The following ATP8B1 variants were observed in gnomAD, a reference collection of about 807,000 sequenced individuals.
ATP8B1 encodes the protein ATPase phospholipid transporting 8B1.
ATP8B1 carries 80 observed loss-of-function variants against 149.9 expected under a neutral mutation model. That is an observed-to-expected ratio of 0.53 (90% confidence interval 0.45 to 0.64). The LOEUF is 0.64. Among genes scored for constraint, ATP8B1 ranks in the 30% least tolerant of loss-of-function variants. The probability of loss-of-function intolerance (pLI) is 0.00; values close to 1 mark genes in which losing one functional copy is unlikely to be tolerated. For synonymous variants in ATP8B1, 536 were observed against 562.8 expected, an observed-to-expected ratio of 0.95 and a Z score of 0.67; for missense variants, 1,247 against 1,552.6, an observed-to-expected ratio of 0.80 and a Z score of 3.31.
At chr18:57,764,871 C>T (rs2080196481) in intron 1 of ATP8B1, among the ~76,000 whole-genome samples, 1 of 149,898 alleles carries the variant, frequency 6.7e-6, no homozygotes, top group Admixed American at 6.7e-5. Context: ...CTGTGGAAAA[C>T]AGCATAATGG....
chr18:57,658,403 A>C (rs1270337068), intron 22 of ATP8B1, among the ~76,000 whole-genome samples: 3 of 152,196 alleles, frequency 2.0e-5, no homozygotes, highest in Non-Finnish European at 4.4e-5. Context: ...AAGACCAAGA[A>C]GAGACAACAT....
intron 27 of ATP8B1, 27 bp from the exon 28 acceptor site, chr18:57,648,739 TGAA>T: frequency 6.5e-7 from 1 of 1,547,004 alleles, no homozygotes; most frequent in Non-Finnish European, 8.7e-7. Flanking sequence ...TGGGGAGGGA[TGAA>T]AATAAGATCC....
intron 1 of ATP8B1, chr18:57,801,908 G>A (rs1383495326): frequency 6.6e-6 from 1 of 152,248 alleles, no homozygotes; most frequent in Non-Finnish European, 1.5e-5. Context: ...CAAGGGGGTC[G>A]GGTAGGGTTG....
At chr18:57,716,991 G>A (rs1045244902) in intron 2 of ATP8B1, among the ~76,000 whole-genome samples, 5 of 152,020 alleles carry the variant, frequency 3.3e-5, no homozygotes, top group Admixed American at 2.0e-4. Flanking sequence ...ACCACAATGA[G>A]TAAAACTAGA....
chr18:57,713,140 T>C (rs1913764474), intron 2 of ATP8B1, among the ~76,000 whole-genome samples: 1 of 151,868 alleles, frequency 6.6e-6, no homozygotes, highest in Non-Finnish European at 1.5e-5. Flanking sequence ...GGGTGCTTTG[T>C]CTTGCTCTTG....
intron 1 of ATP8B1, among the ~76,000 whole-genome samples, chr18:57,791,682 T>C (rs1172962406): frequency 6.6e-6 from 1 of 152,174 alleles, no homozygotes; most frequent in African/African-American, 2.4e-5. Context: ...AACATCCTAA[T>C]CATATGGGTA....
intron 4 of ATP8B1, 29 bp downstream of exon 4, chr18:57,704,526 A>G: frequency 3.5e-6 from 5 of 1,411,704 alleles, no homozygotes; most frequent in Non-Finnish European, 5.0e-6. Context: ...CTATAATTCA[A>G]ACAGATTTAA....
chr18:57,792,669 T>G (rs549150518), intron 1 of ATP8B1, among the ~76,000 whole-genome samples: 4 of 152,276 alleles, frequency 2.6e-5, no homozygotes, highest in African/African-American at 9.6e-5. Context: ...TGACGTAGAT[T>G]GTGGCAACAG....
At chr18:57,740,289 C>T (rs148799044) in intron 1 of ATP8B1, among the ~76,000 whole-genome samples, 1 of 151,878 alleles carries the variant, frequency 6.6e-6, no homozygotes, top group African/African-American at 2.4e-5. Context: ...TTTTAAAGTT[C>T]ACAAGAAGAA....
At chr18:57,768,455 G>A (rs1599217660) in intron 1 of ATP8B1, among the ~76,000 whole-genome samples, 1 of 136,382 alleles carries the variant, frequency 7.3e-6, no homozygotes, top group African/African-American at 2.8e-5. Flanking sequence ...AAGCTACTAA[G>A]AAGAATCCTA....
chr18:57,750,158 G>A (rs1021103589), intron 1 of ATP8B1, among the ~76,000 whole-genome samples: 3 of 152,142 alleles, frequency 2.0e-5, no homozygotes, highest in East Asian at 1.9e-4. Flanking sequence ...TACAAAAATC[G>A]CTTGAACCTG....
At chr18:57,688,158 A>T in intron 13 of ATP8B1, 141 bp downstream of exon 13, 1 of 926,402 alleles carries the variant, frequency 1.1e-6, no homozygotes, top group Non-Finnish European at 1.7e-6. Flanking sequence ...TCTGGTGCTT[A>T]GCTGGAGAAT....
At chr18:57,709,997 CTTT>C (rs60041581) in intron 2 of ATP8B1, among the ~76,000 whole-genome samples, 4 of 141,796 alleles carry the variant, frequency 2.8e-5, no homozygotes, top group Non-Finnish European at 6.2e-5. Context: ...CTTTTCTTTT[CTTT>C]TTTTTTTTTT....
intron 4 of ATP8B1, 146 bp from the exon 5 acceptor site, chr18:57,701,459 T>C: frequency 1.3e-6 from 1 of 764,692 alleles, no homozygotes; most frequent in Non-Finnish European, 2.3e-6. Flanking sequence ...TAGGAAAGGC[T>C]CTTCAAGCAT....
chr18:57,793,520 G>C (rs1011113000), intron 1 of ATP8B1, among the ~76,000 whole-genome samples: 1 of 152,028 alleles, frequency 6.6e-6, no homozygotes, highest in Non-Finnish European at 1.5e-5. Context: ...CATCTTCCAA[G>C]AAATCAAAGC....
rs147176152 is a variant in ATP8B1, at chr18:57,719,565, G to A, written c.181+12062C>T. Among the ~76,000 whole-genome samples the A allele has an allele frequency of 1.9e-3, 289 of 152,260 alleles. 9 individuals carry two copies. In the East Asian group the frequency reaches 0.045, roughly 24 times the overall value. On this transcript the variant is annotated intron_variant, in intron 2 of 27. Transcript: ENST00000648908. ...CGCTTTTCAGACCGGCTTGAAAAAC[G>A]GCGCACCTAGAGACTATATCCCACA... is the stretch of plus-strand genomic sequence containing the variant.
At chr18:57,714,546 C>G (rs1161989798) in intron 2 of ATP8B1, among the ~76,000 whole-genome samples, 5 of 146,008 alleles carry the variant, frequency 3.4e-5, no homozygotes, top group African/African-American at 1.3e-4. Context: ...CTCTGGGTGG[C>G]CCAGAACAGA....
rs374980278 is a variant in ATP8B1, at chr18:57,732,189, GTATATA to G, written c.-25-363_-25-358del. 1.1e-3 allele frequency among the ~76,000 whole-genome samples: 64 copies of G among 59,318 alleles called. 3 individuals are homozygous for G. Among genetic ancestry groups the G allele is most frequent in the Middle Eastern group, 0.024 (2 of 84 alleles). The allele number at this position is 59,318 out of a possible 152,430, so 38.9% of individuals were successfully genotyped here. On this transcript the variant is annotated intron_variant, in intron 1 of 27. Transcript: ENST00000648908. ...TATATATGTATATATGTGTATATAT[GTATATA>G]TGTGTATATATGTATATATGTGTAT...
chr18:57,653,856 G>T, intron 24 of ATP8B1, 136 bp downstream of exon 24: 1 of 844,928 alleles, frequency 1.2e-6, no homozygotes, highest in Non-Finnish European at 1.9e-6. Context: ...GACCCTTGAT[G>T]CCTGACAACA....
Sources: gnomAD v4.1 joint callset for allele counts (sites outside exome capture counted in the v4.1 genomes callset) on GRCh38, gnomAD v4.1.1 for gene constraint, MANE v1.5 for transcripts, NCBI Gene and HGNC (gene_info 2026-07-23, HGNC 2026-07-21) for gene names.